The following FAM216B variants were observed in gnomAD, a reference collection of about 807,000 sequenced individuals.
FAM216B encodes family with sequence similarity 216 member B, also known as protein FAM216B.
FAM216B carries 11 observed loss-of-function variants against 12.9 expected under a neutral mutation model. The observed-to-expected ratio is 0.86, with a 90% CI of 0.54 to 1.42. The LOEUF (loss-of-function observed/expected upper bound fraction) is 1.42. Ranked by LOEUF, FAM216B falls within the 40% of genes most tolerant of loss-of-function variation. The pLI, the probability that FAM216B is intolerant of heterozygous loss-of-function variation, is 0.00. For missense variants in FAM216B, 167 were observed against 162.9 expected (o/e 1.02, Z -0.14); for synonymous variants, 52 against 57.2 (o/e 0.91, Z 0.41).
rs531649199 is a variant in FAM216B, at chr13:42,783,535, T to C, written c.-14-519T>C. 9.8e-4 allele frequency among the ~76,000 whole-genome samples: 149 copies of C among 152,136 alleles called. 1 individual carries two copies. Among genetic ancestry groups the C allele is most frequent in the Admixed American group, 3.9e-3 (60 of 15,282 alleles). On this transcript the variant is annotated intron_variant, in intron 1 of 3. Coordinates refer to ENST00000313851, the MANE Select transcript of FAM216B (RefSeq NM_001318932.2). ...AATCCAATATGCTCCAATGAACATA[T>C]CCTTTAAGCATCTTGTGGGCACTAA...
In FAM216B at chr13:42,784,887, C is replaced by T. The variant is rs143514695; in HGVS notation, c.99+721C>T. On this transcript the variant is annotated intron_variant, in intron 2 of 3. Transcript: ENST00000313851. Reference sequence around the variant, plus strand: ...ATAAAAAAAAAATTTTCAGTTCTCTCCCAAACCCTCAAGGAAGGATCAACA... The same window carrying T: ...ATAAAAAAAAAATTTTCAGTTCTCTTCCAAACCCTCAAGGAAGGATCAACA... Among the ~76,000 whole-genome samples the T allele has an allele frequency of 7.4e-4, 113 of 151,792 alleles. 4 individuals carry two copies. The East Asian group carries it at 0.02, about 27-fold the overall frequency.
Position 42,789,452 on chromosome 13 carries a change from G to A in FAM216B, c.*662G>A, listed in dbSNP as rs1874226421. 6.6e-6 allele frequency: 1 copy of A among 152,176 alleles called. No homozygotes were observed. Among genetic ancestry groups the A allele is most frequent in the African/African-American group, 2.4e-5 (1 of 41,414 alleles). The allele number at this position is 152,176 out of a possible 1,614,324, so 9.4% of individuals were successfully genotyped here. A position where few individuals can be genotyped will look rare whatever the true frequency, so the allele number is the denominator to read the frequency against. ...ATGCACACATCTTTCCCTGGCAGCTGAAGAAACACTCTTAAAAGAATATGA... is the reference window on the plus strand; with the variant it reads ...ATGCACACATCTTTCCCTGGCAGCTAAAGAAACACTCTTAAAAGAATATGA... On this transcript the variant is annotated 3_prime_UTR_variant, in exon 4 of 4. Coordinates refer to ENST00000313851, the MANE Select transcript of FAM216B (RefSeq NM_001318932.2).
Position 42,789,087 on chromosome 13 carries a change from A to C in FAM216B, c.*297A>C. 4.6e-6 allele frequency: 1 copy of C among 215,710 alleles called. No homozygotes were observed. Among genetic ancestry groups the C allele is most frequent in the Non-Finnish European group, 9.4e-6 (1 of 106,814 alleles). 13.4% of individuals were successfully genotyped at this position (215,710 alleles called of 1,614,324 possible). On this transcript the variant is annotated 3_prime_UTR_variant, in exon 4 of 4. Coordinates refer to ENST00000313851, the MANE Select transcript of FAM216B (RefSeq NM_001318932.2). ...CCTAGAGAAGTCCCCAAAACAGTGA[A>C]AGGGGACAAGTGACCAGAAAGGGCC...
chr13:42,786,541 T>C (rs1874094727), intron 2 of FAM216B, among the ~76,000 whole-genome samples: 2 of 151,982 alleles, frequency 1.3e-5, no homozygotes, highest in South Asian at 2.1e-4. Flanking sequence ...AATTTTTTAC[T>C]CACATATTTT....
intron 2 of FAM216B, among the ~76,000 whole-genome samples, chr13:42,785,775 A>AT (rs1000265988): frequency 4.0e-5 from 6 of 149,832 alleles, no homozygotes; most frequent in Non-Finnish European, 7.4e-5. Flanking sequence ...CTGCATGGCC[A>AT]TTTTTTTTTA....
At chr13:42,783,417 C>A (rs1055568860) in intron 1 of FAM216B, among the ~76,000 whole-genome samples, 1 of 151,920 alleles carries the variant, frequency 6.6e-6, no homozygotes, top group African/African-American at 2.4e-5. Context: ...ATGCTTGGGA[C>A]CAGAAGTGTT....
Position 42,786,764 on chromosome 13 carries a change from C to T in FAM216B, c.101C>T (p.Ala34Val), listed in dbSNP as rs756993507. 7 of 1,613,810 alleles carry T rather than the reference C, an allele frequency of 4.3e-6. No individual in the cohort carries two copies. In the Admixed American group the frequency reaches 1.2e-4, roughly 27 times the overall value. Residue 34 changes from alanine to valine, a missense_variant and splice_region_variant, in exon 3 of 4, where the codon GCC becomes GTC. Transcript: ENST00000313851. The stretch of plus-strand genomic sequence containing the variant: ...AAATCACCTGTTCTGTTCCAACAGG[C>T]CCTCAACCAAGGGCAACAGCGCTAC... ...PSIYDTSLLK[A>V]LNQGQQRYFY...
intron 2 of FAM216B, among the ~76,000 whole-genome samples, chr13:42,785,623 C>T (rs562960566): frequency 6.6e-6 from 1 of 152,086 alleles, no homozygotes; most frequent in Non-Finnish European, 1.5e-5. Context: ...TGTTGAGCAC[C>T]GTATATAATG....
chr13:42,790,429 A>G lies in FAM216B; in HGVS notation c.*1639A>G, dbSNP rs930209766. ...CAATTCTAAGCTGCATCCCTGTATCAAAAATCTCAGAAGCACCTTGCATCT... is the reference window on the plus strand; with the variant it reads ...CAATTCTAAGCTGCATCCCTGTATCGAAAATCTCAGAAGCACCTTGCATCT... On this transcript the variant is annotated 3_prime_UTR_variant, in exon 4 of 4. Transcript: ENST00000313851. The G allele has an allele frequency of 6.6e-6, 1 of 152,160 alleles. No individual in the cohort carries two copies. Among genetic ancestry groups the G allele is most frequent in the African/African-American group, 2.4e-5 (1 of 41,440 alleles). The allele number at this position is 152,160 out of a possible 1,614,324, so 9.4% of individuals were successfully genotyped here. A position where few individuals can be genotyped will look rare whatever the true frequency, so the allele number is the denominator to read the frequency against.
At chr13:42,783,034 G>A (rs569058471) in intron 1 of FAM216B, among the ~76,000 whole-genome samples, 21 of 152,286 alleles carry the variant, frequency 1.4e-4, no homozygotes, top group African/African-American at 4.6e-4. Context: ...GTGAAGCTCA[G>A]CATGGTGCCT....
chr13:42,788,549 A>G, intron 3 of FAM216B, 42 bp from the exon 4 acceptor site: 2 of 1,507,262 alleles, frequency 1.3e-6, no homozygotes, highest in East Asian at 4.6e-5. Context: ...TTTGCCTTGT[A>G]AAATTGTTGA....
rs767853497 is a variant in FAM216B at position 42,784,157 on chromosome 13, C to T, written c.90C>T (p.Ser30=). The T allele has an allele frequency of 1.5e-6, 2 of 1,319,120 alleles. No individual in the cohort carries two copies. The highest frequency in any genetic ancestry group is 1.1e-6 in the Non-Finnish European group (1 of 950,448). 81.7% of individuals were successfully genotyped at this position (1,319,120 alleles called of 1,614,324 possible). Residue 30 remains serine (S), a synonymous_variant, in exon 2 of 4, where the codon TCC becomes TCT. Transcript: ENST00000313851. ...TTCCTCCCTCCATCTATGACACTTC[C>T]TTACTAAAGGTATGGCTTTTTTTTT... is the stretch of plus-strand genomic sequence containing the variant. ...IRVPPSIYDT[S]LLKALNQGQQ...
Position 42,791,333 on chromosome 13 carries a change from T to C in FAM216B, c.*2543T>C, listed in dbSNP as rs902110795. 1 of 152,180 alleles carries C rather than the reference T, an allele frequency of 6.6e-6. No homozygotes were observed. The highest frequency in any genetic ancestry group is 1.5e-5 in the Non-Finnish European group (1 of 68,020). 9.4% of individuals were successfully genotyped at this position (152,180 alleles called of 1,614,324 possible). A position where few individuals can be genotyped will look rare whatever the true frequency, so the allele number is the denominator to read the frequency against. ...ATCCTGCTATATAGTTGGCTCTCAG[T>C]ACATATGGTGTCAGCTCATGTGTCT... On this transcript the variant is annotated 3_prime_UTR_variant, in exon 4 of 4. Transcript: ENST00000313851.
chr13:42,785,963 G>A (rs922351533), intron 2 of FAM216B, among the ~76,000 whole-genome samples: 1 of 152,088 alleles, frequency 6.6e-6, no homozygotes, highest in African/African-American at 2.4e-5. Context: ...AATTTTGCAG[G>A]CATTGCCAAA....
chr13:42,782,167 T>G (rs1873878659), intron 1 of FAM216B, among the ~76,000 whole-genome samples: 1 of 152,244 alleles, frequency 6.6e-6, no homozygotes, highest in South Asian at 2.1e-4. Context: ...TCTGGAAGAA[T>G]GGAACCTTCG....
chr13:42,783,635 A>C (rs1363961386), intron 1 of FAM216B, among the ~76,000 whole-genome samples: 1 of 152,002 alleles, frequency 6.6e-6, no homozygotes, highest in Non-Finnish European at 1.5e-5. Context: ...GAGTAATCTT[A>C]TTTTCTTCTT....
In FAM216B at chr13:42,790,963, T is replaced by A. The variant is rs995595738; in HGVS notation, c.*2173T>A. On this transcript the variant is annotated 3_prime_UTR_variant, in exon 4 of 4. Transcript: ENST00000313851. ...TTCTAGAGTCCCAGTAACCCACAAT[T>A]GTTGATGAGGAGTAGCAGTAGAATA... is the stretch of plus-strand genomic sequence containing the variant. 3 of 152,106 alleles carry A rather than the reference T, an allele frequency of 2.0e-5. No individual in the cohort carries two copies. The highest frequency in any genetic ancestry group is 4.4e-5 in the Non-Finnish European group (3 of 68,020). 9.4% of individuals were successfully genotyped at this position (152,106 alleles called of 1,614,324 possible). A position where few individuals can be genotyped will look rare whatever the true frequency, so the allele number is the denominator to read the frequency against.
rs1874302944 is a variant in FAM216B, at chr13:42,791,204, T to A, written c.*2414T>A. On this transcript the variant is annotated 3_prime_UTR_variant, in exon 4 of 4. Transcript: ENST00000313851. ...GGTTCTAAACAATTTCTGAGGTTAC[T>A]GTTGAGTTTTAAATAATACATATAT... 1 of 152,230 alleles carries A rather than the reference T, an allele frequency of 6.6e-6. No individual in the cohort carries two copies. Among genetic ancestry groups the A allele is most frequent in the African/African-American group, 2.4e-5 (1 of 41,458 alleles). 9.4% of individuals were successfully genotyped at this position (152,230 alleles called of 1,614,324 possible). A position where few individuals can be genotyped will look rare whatever the true frequency, so the allele number is the denominator to read the frequency against.
intron 3 of FAM216B, among the ~76,000 whole-genome samples, chr13:42,787,864 G>T (rs1324427): frequency 1.3e-5 from 2 of 151,978 alleles, no homozygotes; most frequent in Non-Finnish European, 2.9e-5. Flanking sequence ...TCAAACACCT[G>T]TATGTGGCAG....
Sources: allele counts gnomAD v4.1 joint callset (sites outside exome capture counted in the v4.1 genomes callset), GRCh38; gene constraint gnomAD v4.1.1; transcripts MANE v1.5; gene names NCBI Gene and HGNC (gene_info 2026-07-23, HGNC 2026-07-21).